Variants in TNFAIP2 observed in about 807,000 individuals in gnomAD.
TNFAIP2 encodes TNF alpha induced protein 2.
TNFAIP2 carries 47 observed loss-of-function variants against 63.5 expected under a neutral mutation model. That is an observed-to-expected ratio of 0.74 (90% CI 0.59 to 0.94). The LOEUF is 0.94. Ranked by LOEUF, TNFAIP2 falls within the 40% of genes least tolerant of loss-of-function variation. The pLI is 0.00. For missense variants in TNFAIP2, 787 were observed against 850.2 expected, an observed-to-expected ratio of 0.93 and a Z score of 0.92; for synonymous variants, 405 against 390.2, an observed-to-expected ratio of 1.04 and a Z score of -0.45.
Position 103,131,791 on chromosome 14 carries a change from CCA to C in TNFAIP2, c.1422+30_1422+31del. The C allele has an allele frequency of 4.4e-6, 7 of 1,602,784 alleles. No individual in the cohort carries two copies. The highest frequency in any genetic ancestry group is 6.0e-6 in the Non-Finnish European group (7 of 1,174,418). On this transcript the variant is annotated intron_variant, in intron 8 of 11. Transcript: ENST00000560869. The surrounding 1 kb of genome is among the most constrained non-coding windows in gnomAD (Gnocchi z 4.0). The stretch of plus-strand genomic sequence containing the variant: ...GCGGGAGCCTCTTGCCCTCAGGAGC[CCA>C]GTGTTGGGGGGTTCCCAGGGAGGGA...
At position 103,131,594 on chromosome 14, in the gene TNFAIP2, T is replaced by C. The variant is rs2087974215; in HGVS notation, c.1299-45T>C. On this transcript the variant is annotated intron_variant, in intron 7 of 11. Transcript: ENST00000560869. The surrounding 1 kb of genome is among the most constrained non-coding windows in gnomAD (Gnocchi z 4.0). ...GTCTGGCTCCCTGGGTATGGGGCTA[T>C]AGGCTGAGCAGGGCTGGGGTGACCT... 1 of 1,553,722 alleles carries C rather than the reference T, an allele frequency of 6.4e-7. No individual in the cohort carries two copies. The highest frequency in any genetic ancestry group is 8.7e-7 in the Non-Finnish European group (1 of 1,154,026).
upstream of TNFAIP2, among the ~76,000 whole-genome samples, chr14:103,121,885 G>A (rs116212153): frequency 0.042 from 6,068 of 144,678 alleles, 367 homozygotes; most frequent in African/African-American, 0.14. Context: ...GGGAGGGGGG[G>A]TGAGGGGGTG....
chr14:103,128,295 C>T (rs544565476), intron 3 of TNFAIP2, among the ~76,000 whole-genome samples: 30 of 152,302 alleles, frequency 2.0e-4, no homozygotes, highest in Non-Finnish European at 3.5e-4. Flanking sequence ...GTTAGACCCC[C>T]ATTGTGTAGG....
intron 4 of TNFAIP2, 61 bp from the exon 5 acceptor site, chr14:103,129,941 G>A (rs1335105349): frequency 6.2e-6 from 10 of 1,606,416 alleles, no homozygotes; most frequent in African/African-American, 5.3e-5. Context: ...GGAGCTTGAC[G>A]GGTCTTCCAG....
chr14:103,126,935 CT>C, intron 2 of TNFAIP2, 69 bp from the exon 3 acceptor site: 2 of 1,335,448 alleles, frequency 1.5e-6, no homozygotes, highest in South Asian at 1.8e-5. Context: ...GACGGTCCCG[CT>C]TGGCGCTGGC....
At chr14:103,133,563 T>A (rs747537047) in intron 10 of TNFAIP2, 46 bp downstream of exon 10, 10 of 1,603,416 alleles carry the variant, frequency 6.2e-6, no homozygotes, top group Non-Finnish European at 7.7e-6. Context: ...AATGGCTGCC[T>A]CTTCTCCCCT....
At position 103,129,927 on chromosome 14, in the gene TNFAIP2, G is replaced by A; in HGVS notation, c.975+73G>A. The A allele has an allele frequency of 2.5e-6, 4 of 1,607,872 alleles. No individual in the cohort carries two copies. The South Asian group carries it at 3.3e-5, about 13-fold the overall frequency. On this transcript the variant is annotated intron_variant, in intron 4 of 11. Coordinates refer to ENST00000560869, the MANE Select transcript of TNFAIP2 (RefSeq NM_006291.4). ...AGGCTCGGAGACAGACAGGACATGG[G>A]CAGGGAGCTTGACGGGTCTTCCAGG...
At position 103,135,203 on chromosome 14, in the gene TNFAIP2, A is replaced by T. The variant is rs767889648; in HGVS notation, c.1824-16A>T. 5 of 1,613,648 alleles carry T rather than the reference A, an allele frequency of 3.1e-6. No homozygotes were observed. The Admixed American group carries it at 5.0e-5, about 16-fold the overall frequency. On this transcript the variant is annotated splice_polypyrimidine_tract_variant and intron_variant, in intron 11 of 11. Coordinates refer to ENST00000560869, the MANE Select transcript of TNFAIP2 (RefSeq NM_006291.4). This position sits in a 1 kb window ranked among gnomAD's most constrained non-coding sequence, Gnocchi z 7.6. ...GTGGGTGACAGGCTGGGCTGACAGGATGCTCTCTTTGCCAGCAAAGGCCAC... is the reference window on the plus strand; with the variant it reads ...GTGGGTGACAGGCTGGGCTGACAGGTTGCTCTCTTTGCCAGCAAAGGCCAC...
intron 3 of TNFAIP2, among the ~76,000 whole-genome samples, chr14:103,128,597 G>A (rs185765476): frequency 1.2e-4 from 18 of 152,276 alleles, no homozygotes; most frequent in Admixed American, 1.0e-3. Context: ...AGTGTCTGCC[G>A]TCTCGGGGGC....
upstream of TNFAIP2, chr14:103,122,976 C>T: frequency 2.8e-6 from 1 of 358,842 alleles, no homozygotes; most frequent in South Asian, 2.0e-5. Context: ...CCTTAGGGGG[C>T]CTCCTTCAGG....
At chr14:103,122,780 C>T (rs1196577539), upstream of TNFAIP2, 1 of 454,236 alleles carries the variant, frequency 2.2e-6, no homozygotes, top group Non-Finnish European at 4.4e-6. Flanking sequence ...GGGGGAAAGG[C>T]TCCAGTGGGA....
chr14:103,124,249 G>T (rs1173121093), intron 1 of TNFAIP2: 2 of 152,640 alleles, frequency 1.3e-5, no homozygotes. Flanking sequence ...TGTGGGGTGG[G>T]GGTCCTCATC....
upstream of TNFAIP2, among the ~76,000 whole-genome samples, chr14:103,121,748 C>T (rs1891112350): frequency 2.0e-5 from 3 of 152,298 alleles, no homozygotes; most frequent in African/African-American, 7.2e-5. Flanking sequence ...GTGGCAGCCC[C>T]GCCTCAGCCC....
intron 2 of TNFAIP2, 31 bp downstream of exon 2, chr14:103,126,723 T>G (rs1308390064): frequency 1.3e-6 from 2 of 1,551,008 alleles, no homozygotes; most frequent in East Asian, 4.7e-5. Context: ...AGAGCTAGTC[T>G]GGGGCCTGGA....
chr14:103,133,238 A>G (rs1363726987), intron 9 of TNFAIP2, 124 bp from the exon 10 acceptor site: 12 of 1,240,662 alleles, frequency 9.7e-6, no homozygotes, highest in Non-Finnish European at 1.2e-5. Context: ...ACGCACGAGC[A>G]CGTGTGCAGT....
In TNFAIP2 at chr14:103,131,840, G is replaced by A; in HGVS notation, c.1422+78G>A. On this transcript the variant is annotated intron_variant, in intron 8 of 11. Transcript: ENST00000560869. This position sits in a 1 kb window ranked among gnomAD's most constrained non-coding sequence, Gnocchi z 4.0. ...GGGACTGGGAGGTGCCCCCAGGGAG[G>A]AGTGGCAGAAGCAAAGATGTGGGGA... 1.3e-6 allele frequency: 2 copies of A among 1,536,416 alleles called. No individual in the cohort carries two copies. Among genetic ancestry groups the A allele is most frequent in the Non-Finnish European group, 1.8e-6 (2 of 1,140,660 alleles).
chr14:103,135,408 C>T lies in TNFAIP2; in HGVS notation c.*48C>T. 6.4e-7 allele frequency: 1 copy of T among 1,559,524 alleles called. No individual in the cohort carries two copies. The highest frequency in any genetic ancestry group is 8.7e-7 in the Non-Finnish European group (1 of 1,154,554). ...CTGTGAGTGCCCAGCAAGCCTTGGG[C>T]ACACCCCGCTGGGAGCTGTTAAGAG... On this transcript the variant is annotated 3_prime_UTR_variant, in exon 12 of 12. Coordinates refer to ENST00000560869, the MANE Select transcript of TNFAIP2 (RefSeq NM_006291.4). The surrounding 1 kb of genome is among the most constrained non-coding windows in gnomAD (Gnocchi z 7.6).
chr14:103,127,509 C>T lies in TNFAIP2; in HGVS notation c.740C>T (p.Ala247Val). 3 of 1,589,222 alleles carry T rather than the reference C, an allele frequency of 1.9e-6. No homozygotes were observed. The highest frequency in any genetic ancestry group is 2.6e-6 in the Non-Finnish European group (3 of 1,175,442). The stretch of plus-strand genomic sequence containing the variant: ...TTCCCCGCCGAGTTCGGCGTCGTGG[C>T]GGCCTACGCCGAGAGCTACCACCAG... ...PLFPAEFGVVAAYAESYHQHF... is the reference protein window; with the variant it reads ...PLFPAEFGVVVAYAESYHQHF... Residue 247 changes from alanine (A) to valine (V), a missense_variant, in exon 3 of 12, where the codon GCG becomes GTG. This residue lies in a region of TNFAIP2 where 523 missense variants were observed against 604.1 expected (regional missense o/e 0.87). Coordinates refer to ENST00000560869, the MANE Select transcript of TNFAIP2 (RefSeq NM_006291.4). The surrounding 1 kb of genome is among the most constrained non-coding windows in gnomAD (Gnocchi z 5.1).
upstream of TNFAIP2, chr14:103,123,325 G>C (rs977706839): frequency 3.3e-5 from 5 of 152,906 alleles, no homozygotes; most frequent in African/African-American, 1.2e-4. Context: ...GGGACGCAGG[G>C]ACACAGCCGG....
Sources: gnomAD v4.1 joint callset for allele counts (sites outside exome capture counted in the v4.1 genomes callset) on GRCh38, gnomAD v4.1.1 for gene constraint, gnomAD v4.1.1 regional missense constraint, Gnocchi (gnomAD v3.1) non-coding constraint, MANE v1.5 for transcripts, NCBI Gene and HGNC (gene_info 2026-07-23, HGNC 2026-07-21) for gene names.